Variants in PLAGL1 observed in about 807,000 individuals in gnomAD.
PLAGL1 encodes the protein zinc finger protein PLAGL1.
A neutral mutation model predicts 4.6 loss-of-function variants in PLAGL1; 1 was observed. The ratio of observed to expected loss-of-function variants is 0.22; its 90% CI spans 0.08 to 1.03. The LOEUF is 1.03. PLAGL1 is among the 50% of genes least tolerant of loss of function. The pLI is 0.58. For missense variants in PLAGL1, 464 were observed against 570.4 expected, an observed-to-expected ratio of 0.81 and a Z score of 1.90; for synonymous variants, 240 against 237.8, an observed-to-expected ratio of 1.01 and a Z score of -0.08.
intron 7 of PLAGL1, among the ~76,000 whole-genome samples, chr6:143,944,351 C>T (rs1779294592): frequency 6.6e-6 from 1 of 152,038 alleles, no homozygotes. Flanking sequence ...CACCTAGAGG[C>T]CAACTGGAAG....
At position 143,942,775 on chromosome 6, in the gene PLAGL1, A is replaced by G. The variant is rs1198643089; in HGVS notation, c.153-112T>C. The stretch of plus-strand genomic sequence containing the variant: ...ATAGTTTTCTCTGGGTCTTGGTATA[A>G]TTTTCAAAATTCTTTCATATATTTT... On this transcript the variant is annotated intron_variant, in intron 7 of 7. Coordinates refer to ENST00000674357, the MANE Select transcript of PLAGL1 (RefSeq NM_001317162.2). The surrounding 1 kb of genome is among the most constrained non-coding windows in gnomAD (Gnocchi z 7.6). 2 of 734,468 alleles carry G rather than the reference A, an allele frequency of 2.7e-6. No individual in the cohort carries two copies. The highest frequency in any genetic ancestry group is 4.2e-6 in the Non-Finnish European group (2 of 476,144). 45.5% of individuals were successfully genotyped at this position (734,468 alleles called of 1,614,324 possible).
intron 1 of PLAGL1, among the ~76,000 whole-genome samples, chr6:144,026,208 T>C (rs1251084274): frequency 6.6e-6 from 1 of 152,176 alleles, no homozygotes; most frequent in Non-Finnish European, 1.5e-5. Context: ...TGATATAAAA[T>C]GCAATTCTTA....
chr6:144,041,777 G>T (rs552167773), intron 1 of PLAGL1, among the ~76,000 whole-genome samples: 1 of 152,260 alleles, frequency 6.6e-6, no homozygotes, highest in South Asian at 2.1e-4. Context: ...TTCCACAATG[G>T]TTGTACTAGT....
intron 1 of PLAGL1, among the ~76,000 whole-genome samples, chr6:144,001,902 T>C (rs904420422): frequency 2.0e-5 from 3 of 151,974 alleles, no homozygotes; most frequent in East Asian, 1.9e-4. Context: ...AGTGACAAGA[T>C]ATGAAAGACT....
At chr6:143,981,055 C>T (rs1787830219) in intron 2 of PLAGL1, among the ~76,000 whole-genome samples, 1 of 152,212 alleles carries the variant, frequency 6.6e-6, no homozygotes, top group Admixed American at 6.5e-5. Flanking sequence ...ACATGGCCCA[C>T]ATATCCTAAA....
At position 143,966,556 on chromosome 6, in the gene PLAGL1, A is replaced by G. The variant is rs1382154012; in HGVS notation, c.-471-358T>C. On this transcript the variant is annotated intron_variant, in intron 3 of 7. Transcript: ENST00000674357. This position sits in a 1 kb window ranked among gnomAD's most constrained non-coding sequence, Gnocchi z 6.0. ...AACCATTTTAGGGAAACAACATAAG[A>G]TGACTATGATCTTAATGCGGTTTCA... 2 of 152,182 alleles carry G rather than the reference A, an allele frequency of 1.3e-5. No individual in the cohort carries two copies. The highest frequency in any genetic ancestry group is 4.8e-5 in the African/African-American group (2 of 41,454). 9.4% of individuals were successfully genotyped at this position (152,182 alleles called of 1,614,324 possible).
chr6:143,946,851 C>T (rs948661472), intron 7 of PLAGL1, among the ~76,000 whole-genome samples: 26 of 152,294 alleles, frequency 1.7e-4, no homozygotes, highest in Non-Finnish European at 2.8e-4. Context: ...AAAAGCAGCA[C>T]GTGTGAGTGG....
intron 1 of PLAGL1, among the ~76,000 whole-genome samples, chr6:144,030,349 AT>A (rs1291860048): frequency 6.6e-6 from 1 of 151,164 alleles, no homozygotes; most frequent in Non-Finnish European, 1.5e-5. Context: ...GCTTTTTAAA[AT>A]TTTTTTATTT....
rs975196413 is a variant in PLAGL1, at chr6:143,962,337, C to T, written c.-398-1795G>A. 7.2e-5 allele frequency among the ~76,000 whole-genome samples: 11 copies of T among 152,134 alleles called. No homozygotes were observed. The highest frequency in any genetic ancestry group is 1.4e-4 in the African/African-American group (6 of 41,414). ...GCAGAGGGAAAAAAGGGTTTTCATA[C>T]GTCAATTATTCTTTTTTAAGTATGT... On this transcript the variant is annotated intron_variant, in intron 5 of 7. Coordinates refer to ENST00000674357, the MANE Select transcript of PLAGL1 (RefSeq NM_001317162.2). This position sits in a 1 kb window ranked among gnomAD's most constrained non-coding sequence, Gnocchi z 5.3.
At chr6:144,058,306 G>A (rs1470741573) in intron 1 of PLAGL1, among the ~76,000 whole-genome samples, 1 of 152,154 alleles carries the variant, frequency 6.6e-6, no homozygotes, top group Admixed American at 6.5e-5. Context: ...CTCATCACCA[G>A]GAAGATGGCA....
Position 143,949,493 on chromosome 6 carries a change from C to T in PLAGL1, c.-324-1033G>A, listed in dbSNP as rs75306161. 5.3e-3 allele frequency among the ~76,000 whole-genome samples: 810 copies of T among 152,274 alleles called. 6 individuals are homozygous for T. Among genetic ancestry groups the T allele is most frequent in the Non-Finnish European group, 9.5e-3 (646 of 68,026 alleles). On this transcript the variant is annotated intron_variant, in intron 6 of 7. Coordinates refer to ENST00000674357, the MANE Select transcript of PLAGL1 (RefSeq NM_001317162.2). This position sits in a 1 kb window ranked among gnomAD's most constrained non-coding sequence, Gnocchi z 5.3. ...GCTTCACTCTCAGGACCTGGACCAA[C>T]CCCCCACATTTCATCCCTGGACTCT...
At chr6:144,060,590 G>A (rs548075971) in intron 1 of PLAGL1, among the ~76,000 whole-genome samples, 2 of 152,322 alleles carry the variant, frequency 1.3e-5, no homozygotes, top group East Asian at 3.9e-4. Context: ...GATCTATGGA[G>A]ATTAAATCTG....
At position 143,941,381 on chromosome 6, in the gene PLAGL1, T is replaced by TAAAACATCTTCCAGA; in HGVS notation, c.*28_*42dup. The stretch of plus-strand genomic sequence containing the variant: ...TGTAACTGACATTTAAAATGCTTCT[T>TAAAACATCTTCCAGA]AAAACATCTTCCAGAATACGAAAAA... On this transcript the variant is annotated 3_prime_UTR_variant, in exon 8 of 8. Transcript: ENST00000674357. The surrounding 1 kb of genome is among the most constrained non-coding windows in gnomAD (Gnocchi z 6.0). 1 of 1,443,662 alleles carries TAAAACATCTTCCAGA rather than the reference T, an allele frequency of 6.9e-7. No individual in the cohort carries two copies. Among genetic ancestry groups the TAAAACATCTTCCAGA allele is most frequent in the Non-Finnish European group, 9.3e-7 (1 of 1,078,944 alleles). The allele number at this position is 1,443,662 out of a possible 1,614,324, so 89.4% of individuals were successfully genotyped here. A position where few individuals can be genotyped will look rare whatever the true frequency, so the allele number is the denominator to read the frequency against.
chr6:144,058,160 T>A (rs1799126642), intron 1 of PLAGL1, among the ~76,000 whole-genome samples: 1 of 152,168 alleles, frequency 6.6e-6, no homozygotes. Context: ...CAGCTTCTGG[T>A]GAGGGCTCAA....
chr6:144,030,525 G>A (rs909171841), intron 1 of PLAGL1, among the ~76,000 whole-genome samples: 4 of 152,130 alleles, frequency 2.6e-5, no homozygotes, highest in African/African-American at 9.7e-5. Flanking sequence ...AGTCCCCAAA[G>A]TCCAATGTAT....
intron 1 of PLAGL1, among the ~76,000 whole-genome samples, chr6:144,044,227 ATT>A (rs1430554847): frequency 6.6e-6 from 1 of 151,936 alleles, no homozygotes; most frequent in Non-Finnish European, 1.5e-5. Context: ...TAGCTTTTGA[ATT>A]TGTTTGCTCT....
chr6:144,059,587 C>T lies in PLAGL1; in HGVS notation c.-151+4881G>A, dbSNP rs1281371298. On this transcript the variant is annotated intron_variant, in intron 1 of 3. Transcript: ENST00000437412. The surrounding 1 kb of genome is among the most constrained non-coding windows in gnomAD (Gnocchi z 4.9). ...ATAAATACTACTCACAGCCCTAACT[C>T]TAATTGTAACTTTCCCAGATATTTT... Among the ~76,000 whole-genome samples, 2 of 152,214 alleles carry T rather than the reference C, an allele frequency of 1.3e-5. No homozygotes were observed. The highest frequency in any genetic ancestry group is 3.8e-4 in the East Asian group (2 of 5,198).
Position 144,064,598 on chromosome 6 carries a change from G to A in PLAGL1, c.-281C>T, listed in dbSNP as rs891192050. 39 of 152,326 alleles carry A rather than the reference G, an allele frequency of 2.6e-4. No individual in the cohort carries two copies. Among genetic ancestry groups the A allele is most frequent in the African/African-American group, 8.7e-4 (36 of 41,550 alleles). 9.4% of individuals were successfully genotyped at this position (152,326 alleles called of 1,614,324 possible). On this transcript the variant is annotated 5_prime_UTR_variant, in exon 1 of 4. Coordinates refer to the PLAGL1 transcript ENST00000437412. This position sits in a 1 kb window ranked among gnomAD's most constrained non-coding sequence, Gnocchi z 6.8. The stretch of plus-strand genomic sequence containing the variant: ...AGCTCCGACTCGGCGGCGCGGAAAA[G>A]GGGAAGGGGAGGAAGGGGCGGGAGC...
At chr6:144,018,888 G>C (rs1795759881) in intron 1 of PLAGL1, among the ~76,000 whole-genome samples, 1 of 152,166 alleles carries the variant, frequency 6.6e-6, no homozygotes, top group Non-Finnish European at 1.5e-5. Flanking sequence ...TTAATAAAGA[G>C]CGAGGCATAG....
Sources: gnomAD v4.1 joint callset for allele counts (sites outside exome capture counted in the v4.1 genomes callset) on GRCh38, gnomAD v4.1.1 for gene constraint, Gnocchi (gnomAD v3.1) non-coding constraint, MANE v1.5 for transcripts, NCBI Gene and HGNC (gene_info 2026-07-23, HGNC 2026-07-21) for gene names.